Variants in TM7SF3 observed in about 807,000 individuals in gnomAD.
TM7SF3 encodes seven span transmembrane protein.
Under a neutral mutation model 65.5 loss-of-function variants are expected in TM7SF3, and 60 were observed. That is an observed-to-expected ratio of 0.92 (90% CI 0.74 to 1.14). The LOEUF (loss-of-function observed/expected upper bound fraction) is 1.14. Ranked by LOEUF, TM7SF3 falls within the 50% of genes most tolerant of loss-of-function variation. TM7SF3 has a pLI of 0.00. For missense variants in TM7SF3, 623 were observed against 684.8 expected, an observed-to-expected ratio of 0.91 and a Z score of 1.01; for synonymous variants, 264 against 259.6, an observed-to-expected ratio of 1.02 and a Z score of -0.16.
Position 26,974,346 on chromosome 12 carries a change from A to G in TM7SF3, c.1451-119T>C, listed in dbSNP as rs928763901. The G allele has an allele frequency of 3.8e-5, 41 of 1,081,430 alleles. No homozygotes were observed. In the Admixed American group the frequency reaches 1.1e-3, roughly 28 times the overall value. 67.0% of individuals were successfully genotyped at this position (1,081,430 alleles called of 1,614,324 possible). A position where few individuals can be genotyped will look rare whatever the true frequency, so the allele number is the denominator to read the frequency against. Reference sequence around the variant, plus strand: ...TTTCTAATAGACTTTCTGGTGAGTTAGTCCAAACACATATGTAGTTCCTCA... The same window carrying G: ...TTTCTAATAGACTTTCTGGTGAGTTGGTCCAAACACATATGTAGTTCCTCA... On this transcript the variant is annotated intron_variant, in intron 11 of 11. Transcript: ENST00000343028.
intron 1 of TM7SF3, among the ~76,000 whole-genome samples, chr12:27,004,168 C>CT (rs1485003725): frequency 6.6e-6 from 1 of 152,152 alleles, no homozygotes; most frequent in East Asian, 1.9e-4. Context: ...CCCCACTTCT[C>CT]TGTGATGTGT....
intron 1 of TM7SF3, among the ~76,000 whole-genome samples, chr12:27,005,439 T>A (rs1940994567): frequency 6.6e-6 from 1 of 152,244 alleles, no homozygotes; most frequent in Non-Finnish European, 1.5e-5. Flanking sequence ...AAGGCTTCTG[T>A]AATTATCACT....
intron 1 of TM7SF3, among the ~76,000 whole-genome samples, chr12:27,007,534 T>TA (rs199758934): frequency 0.016 from 2,379 of 148,212 alleles, 71 homozygotes; most frequent in African/African-American, 0.055. Context: ...TGGAGGGGAT[T>TA]AAAAAAAAAA....
At chr12:27,003,759 T>C (rs944208960) in intron 1 of TM7SF3, among the ~76,000 whole-genome samples, 1 of 152,238 alleles carries the variant, frequency 6.6e-6, no homozygotes, top group Non-Finnish European at 1.5e-5. Context: ...ATCATGAATG[T>C]GCTGGTGTTA....
At chr12:26,981,950 C>G (rs1455671649) in intron 7 of TM7SF3, among the ~76,000 whole-genome samples, 2 of 152,196 alleles carry the variant, frequency 1.3e-5, no homozygotes, top group African/African-American at 4.8e-5. Context: ...TCACTGTACA[C>G]TGCAGCCCCA....
chr12:26,995,100 T>C (rs1940534193), intron 5 of TM7SF3, 137 bp downstream of exon 5: 4 of 856,380 alleles, frequency 4.7e-6, no homozygotes, highest in Non-Finnish European at 7.2e-6. Context: ...CCCAAGATGA[T>C]AACAAAAGAG....
At chr12:27,001,064 T>C (rs1940811719) in intron 2 of TM7SF3, among the ~76,000 whole-genome samples, 1 of 152,000 alleles carries the variant, frequency 6.6e-6, no homozygotes. Context: ...AATTGATAAA[T>C]GATCAAGTCA....
chr12:27,006,589 T>C (rs1414104149), intron 1 of TM7SF3, among the ~76,000 whole-genome samples: 2 of 150,302 alleles, frequency 1.3e-5, no homozygotes, highest in African/African-American at 5.1e-5. Flanking sequence ...TAAAAGGTGC[T>C]AAATAAACAG....
chr12:26,995,307 G>T lies in TM7SF3; in HGVS notation c.620C>A (p.Thr207Asn), dbSNP rs778068826. The change falls in exon 5 of 12, where the codon ACT becomes AAT. Residue 207 changes from threonine (T) to asparagine (N), a missense_variant. Coordinates refer to ENST00000343028, the MANE Select transcript of TM7SF3 (RefSeq NM_016551.3). ...CAGATGCTTCAGCAACATCTCCTCA[G>T]TGAGGTCATTCTCAGGCAGAAAATA... ...YQYFLPENDL[T>N]EEMLLKHLQR... The T allele has an allele frequency of 1.2e-6, 2 of 1,614,168 alleles. No homozygotes were observed. Among genetic ancestry groups the T allele is most frequent in the South Asian group, 2.2e-5 (2 of 91,084 alleles).
At chr12:26,986,771 C>T (rs1291763101) in intron 6 of TM7SF3, among the ~76,000 whole-genome samples, 1 of 152,150 alleles carries the variant, frequency 6.6e-6, no homozygotes, top group Non-Finnish European at 1.5e-5. Flanking sequence ...TCCAGTCAGG[C>T]GCCTACCCCA....
intron 5 of TM7SF3, among the ~76,000 whole-genome samples, chr12:26,992,905 CTTTTTTTT>C (rs1202323508): frequency 9.1e-6 from 1 of 110,008 alleles, no homozygotes. Context: ...TCCCTAATGT[CTTTTTTTT>C]TTTTTTTTTT....
rs769586247 is a variant in TM7SF3, at chr12:27,003,404, A to C, written c.92-14T>G. On this transcript the variant is annotated splice_polypyrimidine_tract_variant and intron_variant, in intron 1 of 11. Transcript: ENST00000343028. ...ATTCAATAAGACCTACAACGAGATA[A>C]ACTTTTCATTACAACACTTGTACTC... 10 of 1,601,988 alleles carry C rather than the reference A, an allele frequency of 6.2e-6. No homozygotes were observed. The Admixed American group carries it at 1.6e-4, about 25-fold the overall frequency.
chr12:26,975,197 T>C (rs1939514959), intron 11 of TM7SF3, among the ~76,000 whole-genome samples: 1 of 152,204 alleles, frequency 6.6e-6, no homozygotes, highest in South Asian at 2.1e-4. Context: ...GTCTCAAACA[T>C]CTTTACTGTC....
chr12:26,991,891 G>A (rs1940383757), intron 5 of TM7SF3, among the ~76,000 whole-genome samples: 1 of 152,146 alleles, frequency 6.6e-6, no homozygotes, highest in Admixed American at 6.5e-5. Flanking sequence ...ACACTTCACT[G>A]TGCATGTCCT....
chr12:26,976,309 G>C lies in TM7SF3; in HGVS notation c.1238C>G (p.Ser413Cys). 6.2e-7 allele frequency: 1 copy of C among 1,614,032 alleles called. No homozygotes were observed. The highest frequency in any genetic ancestry group is 1.3e-5 in the African/African-American group (1 of 75,032). ...HDDGVFWVTF[S>C]CIAILIPVVF... ...TACTGGAATGAGGATAGCTATGCAA[G>C]AGAAAGTGACCCAGAATACACCATC... is the stretch of plus-strand genomic sequence containing the variant. The change falls in exon 10 of 12, where the codon TCT (serine) becomes TGT (cysteine). Residue 413 changes from serine to cysteine, a missense_variant. By Grantham distance (112) the Ser-to-Cys change is moderately radical (BLOSUM62 -1). Transcript: ENST00000343028.
chr12:27,008,253 C>T (rs1941114463), intron 1 of TM7SF3, among the ~76,000 whole-genome samples: 1 of 152,130 alleles, frequency 6.6e-6, no homozygotes, highest in African/African-American at 2.4e-5. Context: ...AGTGGTATCT[C>T]ATTGTGATTT....
At chr12:26,994,044 C>G (rs1431548007) in intron 5 of TM7SF3, among the ~76,000 whole-genome samples, 1 of 152,106 alleles carries the variant, frequency 6.6e-6, no homozygotes, top group African/African-American at 2.4e-5. Context: ...TTGAGGGTTT[C>G]CCCACATTCT....
At position 26,995,267 on chromosome 12, in the gene TM7SF3, A is replaced by G. The variant is rs1940541566; in HGVS notation, c.660T>C (p.Ser220=). The change falls in exon 5 of 12, where the codon AGT becomes AGC. Residue 220 remains serine, a synonymous_variant. Transcript: ENST00000343028. ...GAGCACTGGCCTTCACCTGGGGCACACTGACCATCCTCTGCAGATGCTTCA... is the reference window on the plus strand; with the variant it reads ...GAGCACTGGCCTTCACCTGGGGCACGCTGACCATCCTCTGCAGATGCTTCA... The part of the protein sequence containing the change: ...MLLKHLQRMV[S]VPQVKASALK... The G allele has an allele frequency of 6.2e-7, 1 of 1,614,068 alleles. No homozygotes were observed. Among genetic ancestry groups the G allele is most frequent in the Admixed American group, 1.7e-5 (1 of 59,998 alleles).
chr12:26,988,177 C>T lies in TM7SF3; in HGVS notation c.868+2273G>A, dbSNP rs142426595. Among the ~76,000 whole-genome samples, 976 of 151,998 alleles carry T rather than the reference C, an allele frequency of 6.4e-3. 16 individuals carry two copies. Among genetic ancestry groups the T allele is most frequent in the African/African-American group, 0.022 (897 of 41,488 alleles). ...GACAGGGGAAAAAAAAATTTGTTGA[C>T]GGGGAGACGGGGTCTCACTCTGTTG... On this transcript the variant is annotated intron_variant, in intron 6 of 11. Transcript: ENST00000343028.
Sources: gnomAD v4.1 joint callset for allele counts (sites outside exome capture counted in the v4.1 genomes callset) on GRCh38, gnomAD v4.1.1 for gene constraint, MANE v1.5 for transcripts, NCBI Gene and HGNC (gene_info 2026-07-23, HGNC 2026-07-21) for gene names.